Variants in KLRG2 observed in about 807,000 individuals in gnomAD.
KLRG2 encodes the protein killer cell lectin like receptor G2.
A neutral mutation model predicts 35.4 loss-of-function variants in KLRG2; 39 were observed. That is an observed-to-expected ratio of 1.10 (90% CI 0.85 to 1.44). The LOEUF (loss-of-function observed/expected upper bound fraction) is 1.44. KLRG2 is among the 40% of genes most tolerant of loss of function. KLRG2 has a pLI of 0.00. For synonymous variants in KLRG2, 283 were observed against 265.8 expected (o/e 1.06, Z -0.63); for missense variants, 632 against 570.9 (o/e 1.11, Z -1.09).
downstream of KLRG2, among the ~76,000 whole-genome samples, chr7:139,449,708 T>C (rs1796347163): frequency 7.0e-6 from 1 of 141,890 alleles, no homozygotes; most frequent in African/African-American, 2.6e-5. Flanking sequence ...TTTTTTTTTT[T>C]TTTTTTTTTG....
chr7:139,480,573 G>T (rs1210881169), intron 1 of KLRG2, among the ~76,000 whole-genome samples: 1 of 149,358 alleles, frequency 6.7e-6, no homozygotes, highest in Admixed American at 6.8e-5. Context: ...AACCTCCTGA[G>T]TAGCTGGGGT....
At chr7:139,477,456 C>G (rs573282543) in intron 3 of KLRG2, among the ~76,000 whole-genome samples, 17 of 152,260 alleles carry the variant, frequency 1.1e-4, no homozygotes, top group African/African-American at 3.6e-4. Flanking sequence ...GGACATGATA[C>G]TAAGTGAAAT....
the KLRG2 span, among the ~76,000 whole-genome samples, chr7:139,442,802 C>G: frequency 2.0e-5 from 3 of 152,236 alleles, no homozygotes; most frequent in East Asian, 5.8e-4. Context: ...ATCCTCCAGT[C>G]TGGGTGACAG....
chr7:139,438,145 G>T, the KLRG2 span, among the ~76,000 whole-genome samples: 1 of 152,240 alleles, frequency 6.6e-6, no homozygotes, highest in Non-Finnish European at 1.5e-5. Context: ...GGCTAGAGAA[G>T]GCCACCCAAG....
downstream of KLRG2, among the ~76,000 whole-genome samples, chr7:139,448,350 C>G (rs768470976): frequency 7.2e-5 from 11 of 152,114 alleles, no homozygotes; most frequent in Admixed American, 4.6e-4. Context: ...TATTGAAGAC[C>G]AGTCAGTCTG....
Position 139,454,115 on chromosome 7 carries a change from G to A in KLRG2, c.1105C>T (p.Gln369Ter), listed in dbSNP as rs1213454940. The change falls in exon 4 of 5, where the codon CAG (glutamine) becomes TAG (stop). Residue 369 changes from glutamine to a stop codon, truncating the protein, a stop_gained. Transcript: ENST00000340940. LOFTEE classifies it low-confidence loss of function (END_TRUNC). ...HWIDEAPLPP[Q>*]LLPEDGEDNL... ...GAAAAGCCCGTGGTCACTCACAGCTGGGGCGGGAGTGGGGCCTCGTCGATC... is the reference window on the plus strand; with the variant it reads ...GAAAAGCCCGTGGTCACTCACAGCTAGGGCGGGAGTGGGGCCTCGTCGATC... 1 of 1,525,176 alleles carries A rather than the reference G, an allele frequency of 6.6e-7. No individual in the cohort carries two copies. The allele number at this position is 1,525,176 out of a possible 1,614,324, so 94.5% of individuals were successfully genotyped here.
intron 1 of KLRG2, 76 bp downstream of exon 1, chr7:139,482,810 G>C: frequency 1.5e-6 from 2 of 1,295,086 alleles, no homozygotes; most frequent in Non-Finnish European, 2.0e-6. Flanking sequence ...GCGGTCCAGG[G>C]CTGGGCGGGT....
At chr7:139,463,217 G>A (rs1796597650) in intron 3 of KLRG2, among the ~76,000 whole-genome samples, 1 of 152,100 alleles carries the variant, frequency 6.6e-6, no homozygotes, top group Non-Finnish European at 1.5e-5. Context: ...AACCTGAGAC[G>A]CTTTACAGCC....
At chr7:139,449,365 C>G (rs1333816381), downstream of KLRG2, among the ~76,000 whole-genome samples, 1 of 152,148 alleles carries the variant, frequency 6.6e-6, no homozygotes, top group Non-Finnish European at 1.5e-5. Flanking sequence ...TGTGCCACTG[C>G]ACTCCAGCCT....
chr7:139,454,350 C>CA (rs1278610099), intron 3 of KLRG2, 136 bp from the exon 4 acceptor site: 15 of 633,130 alleles, frequency 2.4e-5, no homozygotes, highest in African/African-American at 3.8e-5. Flanking sequence ...ACTTGCAGAA[C>CA]AAAAAAACCT....
chr7:139,448,797 T>A (rs1246032599), downstream of KLRG2: 2 of 152,172 alleles, frequency 1.3e-5, no homozygotes, highest in African/African-American at 4.8e-5. Flanking sequence ...TTAGCATGGC[T>A]GCTGTTTAAA....
In KLRG2 at chr7:139,479,750, G is replaced by C; in HGVS notation, c.882C>G (p.Pro294=). ...GCTCCTCGGACAACACCCAGCCTGG[G>C]GGGCACTGCTGGCATCTGGCTCCTG... is the stretch of plus-strand genomic sequence containing the variant. ...SRAGARCQQC[P]PGWVLSEEHC... is the part of the protein sequence containing the mutation. The change falls in exon 3 of 5, where the codon CCC becomes CCG. Residue 294 remains proline (P), a synonymous_variant. Transcript: ENST00000340940. 6.2e-7 allele frequency: 1 copy of C among 1,613,936 alleles called. No homozygotes were observed. Among genetic ancestry groups the C allele is most frequent in the Non-Finnish European group, 8.5e-7 (1 of 1,179,960 alleles).
chr7:139,457,201 G>A (rs991829379), intron 3 of KLRG2, among the ~76,000 whole-genome samples: 1 of 152,158 alleles, frequency 6.6e-6, no homozygotes, highest in Admixed American at 6.5e-5. Context: ...CTGGTGCTTC[G>A]GGGACACACT....
intron 3 of KLRG2, among the ~76,000 whole-genome samples, chr7:139,466,081 C>A (rs1796648773): frequency 1.3e-5 from 2 of 152,140 alleles, no homozygotes; most frequent in African/African-American, 4.8e-5. Flanking sequence ...AAAATCTATC[C>A]TCAAAAAAAT....
At chr7:139,427,739 C>T in the KLRG2 span, among the ~76,000 whole-genome samples, 2 of 152,210 alleles carry the variant, frequency 1.3e-5, no homozygotes, top group South Asian at 4.1e-4. Context: ...CCCAGAACCT[C>T]TCGCAACCTT....
Position 139,453,237 on chromosome 7 carries a change from C to T in KLRG2, c.*350G>A, listed in dbSNP as rs77023089. The T allele has an allele frequency of 0.013, 5,618 of 443,048 alleles. 253 individuals are homozygous for T. Among genetic ancestry groups the T allele is most frequent in the East Asian group, 0.12 (3,150 of 25,978 alleles). 27.4% of individuals were successfully genotyped at this position (443,048 alleles called of 1,614,324 possible). ...CGGAATGAGAACCCAGATTGGAATCCGCTGTGGTTGTTAACCCTGTCTTTT... is the reference window on the plus strand; with the variant it reads ...CGGAATGAGAACCCAGATTGGAATCTGCTGTGGTTGTTAACCCTGTCTTTT... On this transcript the variant is annotated 3_prime_UTR_variant, in exon 5 of 5. Transcript: ENST00000340940.
At chr7:139,437,778 G>A in the KLRG2 span, among the ~76,000 whole-genome samples, 27 of 152,280 alleles carry the variant, frequency 1.8e-4, no homozygotes, top group African/African-American at 4.6e-4. Flanking sequence ...ATTTTTCTAC[G>A]AGTTATTAGG....
the KLRG2 span, among the ~76,000 whole-genome samples, chr7:139,428,603 A>C: frequency 6.6e-6 from 1 of 152,092 alleles, no homozygotes; most frequent in Non-Finnish European, 1.5e-5. Flanking sequence ...AGAAAGTTTA[A>C]TTTACTTGAA....
intron 3 of KLRG2, among the ~76,000 whole-genome samples, chr7:139,454,758 GT>G (rs1482625589): frequency 6.6e-6 from 1 of 151,446 alleles, no homozygotes; most frequent in African/African-American, 2.4e-5. Flanking sequence ...AGAGGTTGCA[GT>G]AAGCCGAGAT....
Sources: allele counts gnomAD v4.1 joint callset (sites outside exome capture counted in the v4.1 genomes callset), GRCh38; gene constraint gnomAD v4.1.1; transcripts MANE v1.5; gene names NCBI Gene and HGNC (gene_info 2026-07-23, HGNC 2026-07-21).